Variants in TLL1 observed in about 807,000 individuals in gnomAD.
The protein encoded by TLL1 is tolloid like 1.
In TLL1, 49 loss-of-function variants were observed where a neutral mutation model predicts 128.2. That is an observed-to-expected ratio of 0.38 (90% CI 0.30 to 0.48). The LOEUF is 0.48. Ranked by LOEUF, TLL1 falls within the 20% of genes least tolerant of loss-of-function variation. TLL1 has a pLI of 0.96. For missense variants in TLL1, 1,123 were observed against 1,242.0 expected, an observed-to-expected ratio of 0.90 and a Z score of 1.44; for synonymous variants, 454 against 418.8, an observed-to-expected ratio of 1.08 and a Z score of -1.03.
chr4:165,976,130 A>G (rs575179188), intron 1 of TLL1, among the ~76,000 whole-genome samples: 1 of 151,706 alleles, frequency 6.6e-6, no homozygotes, highest in Non-Finnish European at 1.5e-5. Flanking sequence ...GCATTTAGCT[A>G]AAACACACAT....
rs149220125 is a variant in TLL1, at chr4:166,080,034, C to A, written c.2442+2004C>A. On this transcript the variant is annotated intron_variant, in intron 18 of 20. Coordinates refer to ENST00000061240, the MANE Select transcript of TLL1 (RefSeq NM_012464.5). Reference sequence around the variant, plus strand: ...ATTTGTGGTAGTCTGTTTGGGCCGCCATAACAGATTATCACAGACTTATGG... The same window carrying A: ...ATTTGTGGTAGTCTGTTTGGGCCGCAATAACAGATTATCACAGACTTATGG... 2.6e-3 allele frequency among the ~76,000 whole-genome samples: 400 copies of A among 152,274 alleles called. 2 individuals are homozygous for A. The highest frequency in any genetic ancestry group is 9.1e-3 in the African/African-American group (380 of 41,582).
chr4:166,039,469 C>T (rs199908637), intron 10 of TLL1, 28 bp downstream of exon 10: 201 of 1,525,778 alleles, frequency 1.3e-4, no homozygotes, highest in Admixed American at 6.9e-4. Flanking sequence ...TTTTATGTGG[C>T]TATGTATCTA....
At position 165,899,086 on chromosome 4, in the gene TLL1, AT is replaced by A. The variant is rs903990946; in HGVS notation, c.169+25021del. ...GATCAGTGGTAATATCCCTTTTGTC[AT>A]TTTTTTTATTGTGTCTATTTGATTC... is the stretch of plus-strand genomic sequence containing the variant. On this transcript the variant is annotated intron_variant, in intron 1 of 20. Transcript: ENST00000061240. Among the ~76,000 whole-genome samples, 18 of 151,360 alleles carry A rather than the reference AT, an allele frequency of 1.2e-4. 1 individual carries two copies. The highest frequency in any genetic ancestry group is 4.6e-4 in the Admixed American group (7 of 15,170).
chr4:166,035,392 A>G (rs1738954862), intron 9 of TLL1, among the ~76,000 whole-genome samples: 1 of 152,188 alleles, frequency 6.6e-6, no homozygotes, highest in South Asian at 2.1e-4. Flanking sequence ...AATAATACAT[A>G]AGAATCTTAA....
intron 1 of TLL1, among the ~76,000 whole-genome samples, chr4:165,900,913 T>A (rs1051575900): frequency 2.2e-4 from 34 of 152,148 alleles, no homozygotes; most frequent in African/African-American, 8.0e-4. Flanking sequence ...GGTCCCATAT[T>A]TCTTGGAGGC....
chr4:165,915,148 G>A (rs1732723189), intron 1 of TLL1, among the ~76,000 whole-genome samples: 2 of 152,166 alleles, frequency 1.3e-5, no homozygotes. Flanking sequence ...GAAGTACAGA[G>A]GAGAGCTCAT....
intron 1 of TLL1, among the ~76,000 whole-genome samples, chr4:165,987,789 T>A (rs919383581): frequency 6.6e-6 from 1 of 152,082 alleles, no homozygotes; most frequent in Non-Finnish European, 1.5e-5. Context: ...GCCTAAAACA[T>A]TGCACAGCTT....
At chr4:166,068,072 G>A (rs1000715619) in intron 16 of TLL1, among the ~76,000 whole-genome samples, 13 of 151,702 alleles carry the variant, frequency 8.6e-5, no homozygotes, top group Admixed American at 3.3e-4. Context: ...TAAATTTTCA[G>A]GGTTCACTTT....
intron 5 of TLL1, 90 bp downstream of exon 5, chr4:165,995,268 G>A: frequency 9.9e-7 from 1 of 1,012,354 alleles, no homozygotes; most frequent in African/African-American, 1.6e-5. Context: ...TATTTCTTAA[G>A]ATTTGCTTTG....
intron 1 of TLL1, among the ~76,000 whole-genome samples, chr4:165,927,694 A>G (rs1158334739): frequency 6.6e-6 from 1 of 152,180 alleles, no homozygotes; most frequent in East Asian, 1.9e-4. Flanking sequence ...ACATAAAGCA[A>G]TGTCTGGAGA....
At position 166,003,536 on chromosome 4, in the gene TLL1, C is replaced by A; in HGVS notation, c.778C>A (p.His260Asn). ...HEHTRPDRDNHVTIIRENIQP... is the reference protein window; with the variant it reads ...HEHTRPDRDNNVTIIRENIQP... The stretch of plus-strand genomic sequence containing the variant: ...ACACACAAGACCAGATCGAGATAAC[C>A]ACGTAACTATCATAAGAGAAAACAT... Residue 260 changes from histidine (H) to asparagine (N), a missense_variant, in exon 6 of 21, where the codon CAC becomes AAC. Physicochemically the swap from His to Asn is moderately conservative, Grantham distance 68. This residue lies in a region of TLL1 where 480 missense variants were observed against 542.4 expected (regional missense o/e 0.89). Coordinates refer to ENST00000061240, the MANE Select transcript of TLL1 (RefSeq NM_012464.5). 1.9e-6 allele frequency: 3 copies of A among 1,613,950 alleles called. No individual in the cohort carries two copies. Among genetic ancestry groups the A allele is most frequent in the East Asian group, 2.2e-5 (1 of 44,842 alleles).
chr4:166,023,754 C>T (rs1738355653), intron 8 of TLL1, among the ~76,000 whole-genome samples: 1 of 152,024 alleles, frequency 6.6e-6, no homozygotes, highest in African/African-American at 2.4e-5. Flanking sequence ...ATGTATTTAT[C>T]TTCTTAATCA....
rs182576928 is a variant in TLL1, at chr4:166,020,892, A to G, written c.1043-4424A>G. On this transcript the variant is annotated intron_variant, in intron 8 of 20. Transcript: ENST00000061240. ...AAAAGTGTTGCCTGTTCCCACAGGA[A>G]CATATGTACAACCTATGTTCCCAAA... 7.2e-4 allele frequency among the ~76,000 whole-genome samples: 110 copies of G among 152,340 alleles called. 1 individual carries two copies. Among genetic ancestry groups the G allele is most frequent in the Admixed American group, 5.9e-3 (91 of 15,304 alleles).
At chr4:166,087,692 T>C (rs1386135244) in intron 18 of TLL1, among the ~76,000 whole-genome samples, 1 of 152,176 alleles carries the variant, frequency 6.6e-6, no homozygotes, top group Non-Finnish European at 1.5e-5. Flanking sequence ...AAGGCCTCAT[T>C]CTTTAGCTAT....
intron 18 of TLL1, among the ~76,000 whole-genome samples, chr4:166,081,741 ATT>A (rs200031279): frequency 1.4e-5 from 2 of 146,310 alleles, no homozygotes; most frequent in Admixed American, 6.8e-5. Flanking sequence ...CAAAGTTGTT[ATT>A]TTTTTTTTTT....
At chr4:166,028,246 T>TA (rs1738597298) in intron 9 of TLL1, among the ~76,000 whole-genome samples, 1 of 152,112 alleles carries the variant, frequency 6.6e-6, no homozygotes, top group Non-Finnish European at 1.5e-5. Context: ...GAGGATTTGT[T>TA]ATGTTTCAAT....
chr4:165,873,854 G>A lies in TLL1; in HGVS notation c.-51G>A, dbSNP rs369816406. ...AGCCCCGCACATCAGCGCGGACCGCGGCTGCCTAACCTCTGGGTCCCGTCC... is the reference window on the plus strand; with the variant it reads ...AGCCCCGCACATCAGCGCGGACCGCAGCTGCCTAACCTCTGGGTCCCGTCC... On this transcript the variant is annotated 5_prime_UTR_variant, in exon 1 of 21. Transcript: ENST00000061240. 1.9e-6 allele frequency: 3 copies of A among 1,607,328 alleles called. No individual in the cohort carries two copies. The highest frequency in any genetic ancestry group is 2.7e-5 in the African/African-American group (2 of 74,906).
intron 8 of TLL1, among the ~76,000 whole-genome samples, chr4:166,022,183 G>A (rs76648361): frequency 6.5e-5 from 9 of 138,948 alleles, no homozygotes; most frequent in East Asian, 2.1e-4. Context: ...TTTTTTTTTC[G>A]AGATGGAGTA....
intron 1 of TLL1, among the ~76,000 whole-genome samples, chr4:165,915,373 G>A (rs1732732998): frequency 6.6e-6 from 1 of 152,198 alleles, no homozygotes; most frequent in South Asian, 2.1e-4. Context: ...TCTTCCTGCA[G>A]TCTGAGTCAA....
Sources: gnomAD v4.1 joint callset for allele counts (sites outside exome capture counted in the v4.1 genomes callset) on GRCh38, gnomAD v4.1.1 for gene constraint, gnomAD v4.1.1 regional missense constraint, MANE v1.5 for transcripts, NCBI Gene and HGNC (gene_info 2026-07-23, HGNC 2026-07-21) for gene names.